Variants in LASP1 observed in about 807,000 individuals in gnomAD.
LASP1 encodes the protein LIM and SH3 domain protein 1.
In LASP1, 10 loss-of-function variants were observed where a neutral mutation model predicts 38.6. The ratio of observed to expected loss-of-function variants is 0.26; its 90% CI spans 0.16 to 0.44. The LOEUF is 0.44. LASP1 is among the 20% of genes least tolerant of loss of function. The pLI, the probability that LASP1 is intolerant of heterozygous loss-of-function variation, is 1.00. For missense variants in LASP1, 243 were observed against 375.7 expected, an observed-to-expected ratio of 0.65 and a Z score of 2.92; for synonymous variants, 132 against 140.8, an observed-to-expected ratio of 0.94 and a Z score of 0.44.
rs1157313035 is a variant in LASP1 at position 38,919,193 on chromosome 17, C to G, written c.*415C>G. On this transcript the variant is annotated 3_prime_UTR_variant, in exon 7 of 7. Transcript: ENST00000318008. The stretch of plus-strand genomic sequence containing the variant: ...CCAGGTCAGGGGCTCCCTACATTCC[C>G]CAGAGTGGGATCCACTTCTTGGTTC... 1.8e-5 allele frequency: 5 copies of G among 272,430 alleles called. No homozygotes were observed. Among genetic ancestry groups the G allele is most frequent in the Middle Eastern group, 5.6e-4 (1 of 1,780 alleles). The allele number at this position is 272,430 out of a possible 1,614,324, so 16.9% of individuals were successfully genotyped here. A position where few individuals can be genotyped will look rare whatever the true frequency, so the allele number is the denominator to read the frequency against.
intron 4 of LASP1, among the ~76,000 whole-genome samples, chr17:38,900,470 C>G (rs943777980): frequency 6.6e-6 from 1 of 151,296 alleles, no homozygotes; most frequent in Admixed American, 6.6e-5. Flanking sequence ...GTCAAGAGAT[C>G]GAGACCATCC....
chr17:38,900,498 C>T (rs546292437), intron 4 of LASP1, among the ~76,000 whole-genome samples: 97 of 152,068 alleles, frequency 6.4e-4, no homozygotes, highest in Non-Finnish European at 1.1e-3. Context: ...CATGGTGAAA[C>T]CCCATCTCTA....
At chr17:38,873,238 C>G (rs1323455031) in intron 1 of LASP1, among the ~76,000 whole-genome samples, 2 of 152,230 alleles carry the variant, frequency 1.3e-5, no homozygotes, top group South Asian at 2.1e-4. Flanking sequence ...CCTCCCCACT[C>G]GAGGGGGTTG....
chr17:38,897,095 G>T, intron 3 of LASP1: 16 of 985,514 alleles, frequency 1.6e-5, no homozygotes, highest in Non-Finnish European at 1.9e-5. Flanking sequence ...TCTTGGGGTG[G>T]GTTGGTGCCT....
At chr17:38,914,852 G>A in intron 5 of LASP1, 191 bp from the exon 6 acceptor site, 1 of 615,626 alleles carries the variant, frequency 1.6e-6, no homozygotes, top group Non-Finnish European at 2.9e-6. Flanking sequence ...CCCAGGTCAT[G>A]GGGCTCAGAG....
At chr17:38,883,739 C>CTTTTTTTT (rs60761350) in intron 2 of LASP1, among the ~76,000 whole-genome samples, 1 of 128,348 alleles carries the variant, frequency 7.8e-6, no homozygotes. Context: ...CAGGGGCAGG[C>CTTTTTTTT]TTTTTTTTTT....
At chr17:38,898,949 C>A (rs531976255) in intron 4 of LASP1, 8 of 359,428 alleles carry the variant, frequency 2.2e-5, no homozygotes, top group African/African-American at 1.5e-4. Flanking sequence ...CCTCCTCCCC[C>A]ACATCAGCCT....
intron 4 of LASP1, chr17:38,899,181 A>C (rs919931651): frequency 4.8e-6 from 1 of 209,850 alleles, no homozygotes; most frequent in African/African-American, 2.3e-5. Flanking sequence ...GCCACAGGCA[A>C]GCAGCCTGTG....
At chr17:38,871,507 G>T (rs1913609075) in intron 1 of LASP1, among the ~76,000 whole-genome samples, 1 of 151,998 alleles carries the variant, frequency 6.6e-6, no homozygotes, top group African/African-American at 2.4e-5. Flanking sequence ...GAGGTGCAAG[G>T]GTGGGAACAC....
intron 3 of LASP1, among the ~76,000 whole-genome samples, chr17:38,894,772 C>T (rs1372502342): frequency 2.0e-5 from 3 of 152,012 alleles, no homozygotes; most frequent in Non-Finnish European, 2.9e-5. Context: ...GGGTCTCTCT[C>T]TGTCTCCCAG....
chr17:38,879,464 G>A (rs1011409302), intron 2 of LASP1, among the ~76,000 whole-genome samples: 1 of 150,494 alleles, frequency 6.6e-6, no homozygotes, highest in African/African-American at 2.4e-5. Context: ...GCCTTAATTC[G>A]ATTTTTTTTT....
chr17:38,892,587 CA>C (rs879610224), intron 3 of LASP1, among the ~76,000 whole-genome samples: 1,518 of 151,366 alleles, frequency 0.01, 13 homozygotes, highest in Non-Finnish European at 0.013. Flanking sequence ...CACACACACA[CA>C]CACCCTTCTC....
At chr17:38,894,463 G>A (rs1234983772) in intron 3 of LASP1, among the ~76,000 whole-genome samples, 4 of 152,150 alleles carry the variant, frequency 2.6e-5, no homozygotes, top group African/African-American at 9.7e-5. Context: ...TGGGCAAGTT[G>A]CTTAACCTCT....
At chr17:38,893,622 C>T (rs1914403622) in intron 3 of LASP1, among the ~76,000 whole-genome samples, 2 of 152,148 alleles carry the variant, frequency 1.3e-5, no homozygotes, top group East Asian at 1.9e-4. Flanking sequence ...TCCCTTCCCA[C>T]CGCCCACCAG....
chr17:38,870,479 T>C (rs1177547813), intron 1 of LASP1, among the ~76,000 whole-genome samples: 1 of 151,920 alleles, frequency 6.6e-6, no homozygotes, highest in Non-Finnish European at 1.5e-5. Flanking sequence ...CAGCCGCTGC[T>C]GGAGAGGGGT....
intron 4 of LASP1, among the ~76,000 whole-genome samples, chr17:38,908,459 G>T (rs959221766): frequency 5.9e-5 from 9 of 152,348 alleles, no homozygotes; most frequent in East Asian, 1.9e-4. Flanking sequence ...CACCTTCTGC[G>T]CTGGGTCTGT....
At chr17:38,896,696 G>A (rs915885886) in intron 3 of LASP1, among the ~76,000 whole-genome samples, 2 of 152,298 alleles carry the variant, frequency 1.3e-5, no homozygotes, top group Admixed American at 6.5e-5. Flanking sequence ...TGTCTGTATC[G>A]TGGGTTGGAG....
At position 38,910,733 on chromosome 17, in the gene LASP1, C is replaced by CTTTTTTTTTCTTTTTT. The variant is rs10526728; in HGVS notation, c.358-3584_358-3583insTCTTTTTTTTTTTTTT. ...TCAGACACAGGTAGTCTGGAGTCCA[C>CTTTTTTTTTCTTTTTT]TTTTTTTTAAACAGAGTCTCAGTCT... On this transcript the variant is annotated intron_variant, in intron 4 of 6. Transcript: ENST00000318008. 1.5e-5 allele frequency among the ~76,000 whole-genome samples: 2 copies of CTTTTTTTTTCTTTTTT among 135,476 alleles called. 1 individual carries two copies. The highest frequency in any genetic ancestry group is 4.2e-4 in the East Asian group (2 of 4,718). 88.9% of individuals were successfully genotyped at this position (135,476 alleles called of 152,430 possible).
chr17:38,885,944 A>G (rs1411684139), intron 2 of LASP1, among the ~76,000 whole-genome samples: 1 of 152,056 alleles, frequency 6.6e-6, no homozygotes, highest in Non-Finnish European at 1.5e-5. Context: ...TCTAGAAACA[A>G]ACCCGTGACA....
Sources: allele counts gnomAD v4.1 joint callset (sites outside exome capture counted in the v4.1 genomes callset), GRCh38; gene constraint gnomAD v4.1.1; transcripts MANE v1.5; gene names NCBI Gene and HGNC (gene_info 2026-07-23, HGNC 2026-07-21).